Variants in CCDC91 observed in about 807,000 individuals in gnomAD.
The protein encoded by CCDC91 is coiled-coil domain-containing protein 91.
CCDC91 carries 48 observed loss-of-function variants against 63.2 expected under a neutral mutation model. The observed-to-expected ratio is 0.76, with a 90% CI of 0.60 to 0.97. CCDC91 has a LOEUF of 0.97. Among genes scored for constraint, CCDC91 ranks in the 50% least tolerant of loss-of-function variants. CCDC91 has a pLI of 0.00. For synonymous variants in CCDC91, 167 were observed against 165.8 expected (o/e 1.01, Z -0.06); for missense variants, 500 against 494.6 (o/e 1.01, Z -0.10).
At position 28,224,587 on chromosome 12, in the gene CCDC91, A is replaced by G. The variant is rs767608440; in HGVS notation, c.-14-32615A>G. 1.1e-4 allele frequency among the ~76,000 whole-genome samples: 16 copies of G among 152,276 alleles called. No homozygotes were observed. In the East Asian group the frequency reaches 2.9e-3, roughly 28 times the overall value. ...AAATCTTGTCTTTAATTGAATCTCA[A>G]AGTGGTTAAGTTTTTGTCATTTTGC... On this transcript the variant is annotated intron_variant, in intron 1 of 12. Transcript: ENST00000536442.
At chr12:28,338,040 T>C (rs908005994) in intron 6 of CCDC91, among the ~76,000 whole-genome samples, 1 of 152,178 alleles carries the variant, frequency 6.6e-6, no homozygotes, top group African/African-American at 2.4e-5. Context: ...GTCTTGAATT[T>C]ACAGTCTATA....
chr12:28,229,646 A>T (rs1324636611), intron 1 of CCDC91, among the ~76,000 whole-genome samples: 1 of 152,200 alleles, frequency 6.6e-6, no homozygotes, highest in Admixed American at 6.5e-5. Context: ...TTAGTAGAAA[A>T]GGAGAGTTTT....
At chr12:28,521,623 G>A (rs1458105923) in intron 12 of CCDC91, among the ~76,000 whole-genome samples, 2 of 152,150 alleles carry the variant, frequency 1.3e-5, no homozygotes, top group Non-Finnish European at 2.9e-5. Flanking sequence ...ATTAGGAGTG[G>A]TGAGAGGGGA....
chr12:28,398,125 C>G (rs1253618773), intron 8 of CCDC91, among the ~76,000 whole-genome samples: 1 of 152,118 alleles, frequency 6.6e-6, no homozygotes, highest in African/African-American at 2.4e-5. Context: ...CATCAACAAT[C>G]AAGATATAGA....
intron 1 of CCDC91, among the ~76,000 whole-genome samples, chr12:28,218,018 T>C (rs1943681390): frequency 6.6e-6 from 1 of 152,164 alleles, no homozygotes; most frequent in African/African-American, 2.4e-5. Flanking sequence ...TCCAGTCTCA[T>C]TCATTTTCTA....
At chr12:28,458,166 T>C (rs1189307595) in intron 11 of CCDC91, among the ~76,000 whole-genome samples, 1 of 152,198 alleles carries the variant, frequency 6.6e-6, no homozygotes, top group Non-Finnish European at 1.5e-5. Flanking sequence ...GAAATTTTTC[T>C]GTGCTGACTT....
At chr12:28,232,398 A>G (rs1371505151) in intron 1 of CCDC91, among the ~76,000 whole-genome samples, 3 of 152,054 alleles carry the variant, frequency 2.0e-5, no homozygotes, top group Admixed American at 6.6e-5. Flanking sequence ...TGCAGGTACC[A>G]TGAAGTCTTT....
At chr12:28,249,338 C>T (rs1225626131) in intron 1 of CCDC91, among the ~76,000 whole-genome samples, 2 of 152,120 alleles carry the variant, frequency 1.3e-5, no homozygotes, top group African/African-American at 4.8e-5. Flanking sequence ...TTATCAGTTG[C>T]CTTGCAACCA....
chr12:28,499,679 CT>C (rs1052646819), intron 12 of CCDC91, among the ~76,000 whole-genome samples: 2 of 151,930 alleles, frequency 1.3e-5, no homozygotes, highest in Non-Finnish European at 2.9e-5. Flanking sequence ...TGAACTCATC[CT>C]TTTTTATGGT....
At chr12:28,328,341 A>AT (rs1941204676) in intron 6 of CCDC91, among the ~76,000 whole-genome samples, 1 of 151,904 alleles carries the variant, frequency 6.6e-6, no homozygotes. Context: ...GTCTTTTGTG[A>AT]TTTTCAGCAT....
intron 1 of CCDC91, among the ~76,000 whole-genome samples, chr12:28,211,988 G>A (rs889459423): frequency 6.6e-6 from 1 of 152,118 alleles, no homozygotes; most frequent in Non-Finnish European, 1.5e-5. Flanking sequence ...TTTCTGTCAT[G>A]ACTTCCAAAC....
chr12:28,313,719 G>A (rs1275933663), intron 6 of CCDC91, among the ~76,000 whole-genome samples: 1 of 152,054 alleles, frequency 6.6e-6, no homozygotes, highest in African/African-American at 2.4e-5. Context: ...CAATGGGGGT[G>A]TGTGCTATGT....
chr12:28,237,313 A>G (rs1381259591), intron 1 of CCDC91, among the ~76,000 whole-genome samples: 3 of 151,528 alleles, frequency 2.0e-5, no homozygotes, highest in African/African-American at 7.3e-5. Context: ...CTTCAAAGAT[A>G]TTAGGTCTTA....
intron 1 of CCDC91, among the ~76,000 whole-genome samples, chr12:28,194,400 G>A (rs1483214847): frequency 6.6e-6 from 1 of 152,106 alleles, no homozygotes; most frequent in Non-Finnish European, 1.5e-5. Flanking sequence ...ACGGACCCTC[G>A]CAGTGAGTGT....
chr12:28,456,489 G>A (rs1950063588), intron 11 of CCDC91, among the ~76,000 whole-genome samples: 1 of 152,062 alleles, frequency 6.6e-6, no homozygotes, highest in Non-Finnish European at 1.5e-5. Flanking sequence ...CACATCAGTA[G>A]TTACAATAAC....
intron 6 of CCDC91, among the ~76,000 whole-genome samples, chr12:28,356,233 T>A (rs1270600555): frequency 6.6e-6 from 1 of 152,172 alleles, no homozygotes; most frequent in African/African-American, 2.4e-5. Context: ...GAAACCTACT[T>A]TCGTTGCAAG....
intron 7 of CCDC91, among the ~76,000 whole-genome samples, chr12:28,384,334 C>A (rs980034429): frequency 6.6e-6 from 1 of 151,984 alleles, no homozygotes; most frequent in African/African-American, 2.4e-5. Context: ...TCATGTAGTT[C>A]TTATTAGGAT....
intron 8 of CCDC91, among the ~76,000 whole-genome samples, chr12:28,444,013 A>G (rs1339975389): frequency 6.6e-6 from 1 of 152,178 alleles, no homozygotes; most frequent in Non-Finnish European, 1.5e-5. Context: ...GTGAAGGGGA[A>G]TGGTGATAGC....
At chr12:28,217,280 AT>A (rs1435236945) in intron 1 of CCDC91, among the ~76,000 whole-genome samples, 1 of 152,178 alleles carries the variant, frequency 6.6e-6, no homozygotes, top group Non-Finnish European at 1.5e-5. Context: ...ATATTTGAAA[AT>A]TTTAATTCAT....
Sources: gnomAD v4.1 joint callset for allele counts (sites outside exome capture counted in the v4.1 genomes callset) on GRCh38, gnomAD v4.1.1 for gene constraint, MANE v1.5 for transcripts, NCBI Gene and HGNC (gene_info 2026-07-23, HGNC 2026-07-21) for gene names.